Variants in FAM13C observed in about 807,000 individuals in gnomAD.
FAM13C encodes the protein family with sequence similarity 13 member C.
In FAM13C, 37 loss-of-function variants were observed where a neutral mutation model predicts 73.2. That is an observed-to-expected ratio of 0.51 (90% CI 0.39 to 0.67). The LOEUF (loss-of-function observed/expected upper bound fraction) is 0.67, where lower values mean the gene tolerates loss of function less well. Ranked by LOEUF, FAM13C falls within the 30% of genes least tolerant of loss-of-function variation. The pLI, the probability that FAM13C is intolerant of heterozygous loss-of-function variation, is 0.00. For missense variants in FAM13C, 589 were observed against 715.6 expected, an observed-to-expected ratio of 0.82 and a Z score of 2.02; for synonymous variants, 246 against 260.9, an observed-to-expected ratio of 0.94 and a Z score of 0.55.
At chr10:59,291,953 G>A (rs11006430) in intron 5 of FAM13C, among the ~76,000 whole-genome samples, 50 of 151,702 alleles carry the variant, frequency 3.3e-4, no homozygotes, top group African/African-American at 1.1e-3. Context: ...CACGCCTGGC[G>A]AATTTTTTAT....
At chr10:59,273,869 A>G (rs1564509672) in intron 6 of FAM13C, among the ~76,000 whole-genome samples, 2 of 152,202 alleles carry the variant, frequency 1.3e-5, no homozygotes. Flanking sequence ...AGTCAGATTT[A>G]AAAATCTATC....
intron 6 of FAM13C, among the ~76,000 whole-genome samples, chr10:59,273,302 G>A (rs1843937734): frequency 6.6e-6 from 1 of 152,110 alleles, no homozygotes; most frequent in African/African-American, 2.4e-5. Context: ...AGAAACTACT[G>A]AACACAGCAT....
At chr10:59,271,585 T>A (rs1843724207) in intron 6 of FAM13C, among the ~76,000 whole-genome samples, 1 of 152,152 alleles carries the variant, frequency 6.6e-6, no homozygotes. Flanking sequence ...CTGACACACA[T>A]CACCACAGGC....
intron 2 of FAM13C, among the ~76,000 whole-genome samples, chr10:59,354,849 A>C (rs1855511123): frequency 6.6e-6 from 1 of 151,160 alleles, no homozygotes; most frequent in South Asian, 2.1e-4. Context: ...TTACTTCCTC[A>C]CTCCACCAGG....
At chr10:59,292,976 A>G (rs988126997) in intron 5 of FAM13C, among the ~76,000 whole-genome samples, 4 of 150,234 alleles carry the variant, frequency 2.7e-5, no homozygotes, top group Non-Finnish European at 4.4e-5. Flanking sequence ...CCTTTAACCA[A>G]TCCCTCCCTG....
At chr10:59,346,429 C>G (rs1410066670) in intron 3 of FAM13C, among the ~76,000 whole-genome samples, 1 of 152,152 alleles carries the variant, frequency 6.6e-6, no homozygotes, top group Non-Finnish European at 1.5e-5. Flanking sequence ...ATCTACAGGG[C>G]CAAGTGGAAG....
At chr10:59,283,616 G>T (rs1448788215) in intron 5 of FAM13C, 169 bp from the exon 6 acceptor site, 1 of 690,012 alleles carries the variant, frequency 1.4e-6, no homozygotes, top group African/African-American at 1.7e-5. Flanking sequence ...GCAGGAAGAG[G>T]GTGGTGGCAA....
chr10:59,323,914 G>T, intron 4 of FAM13C, 74 bp downstream of exon 4: 4 of 1,227,416 alleles, frequency 3.3e-6, no homozygotes, highest in South Asian at 1.2e-5. Flanking sequence ...CTCTTGTGTG[G>T]GAGTGGCAAG....
At chr10:59,343,831 T>TAATA (rs1399562946) in intron 3 of FAM13C, among the ~76,000 whole-genome samples, 1 of 152,210 alleles carries the variant, frequency 6.6e-6, no homozygotes, top group Non-Finnish European at 1.5e-5. Flanking sequence ...ACTACGTATT[T>TAATA]GGGTTATTTG....
At chr10:59,284,551 A>C (rs903311141) in intron 5 of FAM13C, among the ~76,000 whole-genome samples, 13 of 125,926 alleles carry the variant, frequency 1.0e-4, no homozygotes, top group African/African-American at 2.5e-4. Flanking sequence ...CCACAGCCCC[A>C]CCCCTGCCAC....
At chr10:59,292,665 G>T (rs771172911) in intron 5 of FAM13C, among the ~76,000 whole-genome samples, 27 of 152,182 alleles carry the variant, frequency 1.8e-4, no homozygotes, top group Non-Finnish European at 3.2e-4. Context: ...ACATTGGAAA[G>T]CATGGCCATT....
intron 5 of FAM13C, among the ~76,000 whole-genome samples, chr10:59,293,069 CTTTTTTTTTTTTTT>C (rs148715812): frequency 9.1e-6 from 1 of 109,538 alleles, no homozygotes; most frequent in African/African-American, 3.9e-5. Flanking sequence ...TTTTCTTTTT[CTTTTTTTTTTTTTT>C]TTTTTTTTGA....
intron 3 of FAM13C, among the ~76,000 whole-genome samples, chr10:59,332,670 T>C (rs1168970495): frequency 6.6e-6 from 1 of 152,232 alleles, no homozygotes; most frequent in African/African-American, 2.4e-5. Context: ...CTACTTGTGT[T>C]AAACTTTAAT....
chr10:59,276,333 A>C (rs1285291001), intron 6 of FAM13C, among the ~76,000 whole-genome samples: 1 of 152,204 alleles, frequency 6.6e-6, no homozygotes, highest in East Asian at 1.9e-4. Flanking sequence ...AAGCATTATC[A>C]ACTGGAGGAA....
intron 5 of FAM13C, among the ~76,000 whole-genome samples, chr10:59,288,977 C>G (rs753052573): frequency 6.6e-6 from 1 of 151,854 alleles, no homozygotes; most frequent in Non-Finnish European, 1.5e-5. Flanking sequence ...GACAAGGGGA[C>G]GGGGAGATTT....
chr10:59,255,970 T>G (rs1000293139), intron 10 of FAM13C, among the ~76,000 whole-genome samples: 1 of 152,220 alleles, frequency 6.6e-6, no homozygotes, highest in African/African-American at 2.4e-5. Context: ...CAGGTTTATA[T>G]GCAAAAAGGA....
In FAM13C at chr10:59,246,958, A is replaced by G. The variant is rs1453282659; in HGVS notation, c.*656T>C. 8.6e-6 allele frequency: 2 copies of G among 231,316 alleles called. No individual in the cohort carries two copies. Among genetic ancestry groups the G allele is most frequent in the Admixed American group, 1.1e-4 (2 of 17,980 alleles). The allele number at this position is 231,316 out of a possible 1,614,324, so 14.3% of individuals were successfully genotyped here. A position where few individuals can be genotyped will look rare whatever the true frequency, so the allele number is the denominator to read the frequency against. Reference sequence around the variant, plus strand: ...AGACAAAGATAATAATTCACAAAGTACATGCTATCAGAATGAACTTTGGTA... The same window carrying G: ...AGACAAAGATAATAATTCACAAAGTGCATGCTATCAGAATGAACTTTGGTA... On this transcript the variant is annotated 3_prime_UTR_variant, in exon 14 of 14. Coordinates refer to ENST00000618804, the MANE Select transcript of FAM13C (RefSeq NM_198215.4).
At chr10:59,301,125 G>A (rs1847552193) in intron 5 of FAM13C, 1 of 152,160 alleles carries the variant, frequency 6.6e-6, no homozygotes, top group Non-Finnish European at 1.5e-5. Context: ...CCTCTTTGAT[G>A]ATCTCTGTCC....
At chr10:59,361,276 C>A (rs1372856541) in intron 1 of FAM13C, among the ~76,000 whole-genome samples, 1 of 151,668 alleles carries the variant, frequency 6.6e-6, no homozygotes, top group Non-Finnish European at 1.5e-5. Context: ...AGCAGCACAG[C>A]AAAAGAGAGA....
Sources: allele counts gnomAD v4.1 joint callset (sites outside exome capture counted in the v4.1 genomes callset), GRCh38; gene constraint gnomAD v4.1.1; transcripts MANE v1.5; gene names NCBI Gene and HGNC (gene_info 2026-07-23, HGNC 2026-07-21).